GPC5: variants seen among roughly 807,000 people sequenced by gnomAD.
GPC5 encodes glypican-5.
GPC5 carries 47 observed loss-of-function variants against 53.9 expected under a neutral mutation model. The observed-to-expected ratio is 0.87, with a 90% CI of 0.69 to 1.11. The LOEUF is 1.11. Among genes scored for constraint, GPC5 ranks in the 50% most tolerant of loss-of-function variants. GPC5 has a pLI of 0.00. For missense variants in GPC5, 748 were observed against 713.1 expected (o/e 1.05, Z -0.56); for synonymous variants, 286 against 263.3 (o/e 1.09, Z -0.84).
At chr13:92,513,865 A>T (rs1054033353) in intron 7 of GPC5, among the ~76,000 whole-genome samples, 2 of 152,156 alleles carry the variant, frequency 1.3e-5, no homozygotes, top group African/African-American at 4.8e-5. Flanking sequence ...CATTTTGACT[A>T]TGACTCATCA....
Position 91,879,018 on chromosome 13 carries a change from C to T in GPC5, c.1281-28919C>T, listed in dbSNP as rs566431378. Among the ~76,000 whole-genome samples, 14 of 152,218 alleles carry T rather than the reference C, an allele frequency of 9.2e-5. 2 individuals carry two copies. The South Asian group carries it at 2.9e-3, about 32-fold the overall frequency. ...AAGATTTGTCTCTCTCTAATTCTTG[C>T]AACTATGCACATACCCCCCTAATGT... is the stretch of plus-strand genomic sequence containing the variant. On this transcript the variant is annotated intron_variant, in intron 5 of 7. Transcript: ENST00000377067.
intron 7 of GPC5, among the ~76,000 whole-genome samples, chr13:92,181,521 C>A (rs993216903): frequency 3.3e-5 from 5 of 152,128 alleles, no homozygotes; most frequent in African/African-American, 1.2e-4. Context: ...TCAGATAGTA[C>A]AATTTTGCTG....
intron 2 of GPC5, among the ~76,000 whole-genome samples, chr13:91,539,108 A>G (rs1886731339): frequency 6.6e-6 from 1 of 152,206 alleles, no homozygotes. Context: ...ATAACTAAAC[A>G]GAATTTTCAC....
At position 92,123,407 on chromosome 13, in the gene GPC5, A is replaced by T. The variant is rs145901940; in HGVS notation, c.1402-21423A>T. On this transcript the variant is annotated intron_variant, in intron 6 of 7. Coordinates refer to ENST00000377067, the MANE Select transcript of GPC5 (RefSeq NM_004466.6). ...CTATATCAACTTACTAGAATTTTGG[A>T]GACTGACTTTAAAATATGATAATAA... Among the ~76,000 whole-genome samples the T allele has an allele frequency of 2.6e-3, 390 of 152,328 alleles. 5 individuals are homozygous for T. Among genetic ancestry groups the T allele is most frequent in the African/African-American group, 5.7e-3 (235 of 41,570 alleles).
chr13:91,962,715 G>A (rs2040137422), intron 6 of GPC5, among the ~76,000 whole-genome samples: 1 of 152,042 alleles, frequency 6.6e-6, no homozygotes, highest in South Asian at 2.1e-4. Flanking sequence ...GAAAAAAAAT[G>A]AGGTGGAGTT....
At chr13:91,594,202 G>GT (rs1405549243) in intron 2 of GPC5, among the ~76,000 whole-genome samples, 5 of 152,126 alleles carry the variant, frequency 3.3e-5, no homozygotes, top group South Asian at 4.1e-4. Flanking sequence ...AAAAAGTACA[G>GT]TTTTTTTAAA....
At chr13:92,804,857 G>T (rs560965715) in intron 7 of GPC5, among the ~76,000 whole-genome samples, 10 of 152,082 alleles carry the variant, frequency 6.6e-5, no homozygotes, top group South Asian at 6.2e-4. Context: ...TACATATTTT[G>T]TTACCATTTC....
At chr13:92,035,275 C>T (rs544761648) in intron 6 of GPC5, among the ~76,000 whole-genome samples, 17 of 151,638 alleles carry the variant, frequency 1.1e-4, no homozygotes, top group Non-Finnish European at 2.2e-4. Flanking sequence ...CAAGATGACA[C>T]GGGGCACGGG....
chr13:92,844,645 T>A (rs915986075), intron 7 of GPC5, among the ~76,000 whole-genome samples: 4 of 152,092 alleles, frequency 2.6e-5, no homozygotes, highest in Admixed American at 2.0e-4. Flanking sequence ...GCAGTTCACA[T>A]CATGAAGTAA....
chr13:91,683,763 C>T (rs1260538895), intron 2 of GPC5, among the ~76,000 whole-genome samples: 4 of 152,208 alleles, frequency 2.6e-5, no homozygotes, highest in Admixed American at 2.6e-4. Flanking sequence ...ATCCTGCCTG[C>T]TCAGTCATCA....
chr13:91,791,638 A>G (rs1209941527), intron 5 of GPC5, among the ~76,000 whole-genome samples: 2 of 151,542 alleles, frequency 1.3e-5, no homozygotes, highest in African/African-American at 2.4e-5. Context: ...AATTACATCA[A>G]CAATTACATG....
chr13:92,068,665 T>TA lies in GPC5; in HGVS notation c.1402-76159dup, dbSNP rs577101983. On this transcript the variant is annotated intron_variant, in intron 6 of 7. Transcript: ENST00000377067. Reference sequence around the variant, plus strand: ...TCCATTCTATTCCTAGTTTGCATATTAAAAAATATTTTCTGTATCCATTGA... The same window carrying TA: ...TCCATTCTATTCCTAGTTTGCATATTAAAAAAATATTTTCTGTATCCATTGA... Among the ~76,000 whole-genome samples the TA allele has an allele frequency of 2.0e-3, 307 of 151,686 alleles. 2 individuals carry two copies. Among genetic ancestry groups the TA allele is most frequent in the African/African-American group, 7.0e-3 (290 of 41,518 alleles).
intron 2 of GPC5, among the ~76,000 whole-genome samples, chr13:91,529,784 C>T (rs1487086468): frequency 6.6e-6 from 1 of 152,084 alleles, no homozygotes; most frequent in Non-Finnish European, 1.5e-5. Flanking sequence ...GGATTTTCCC[C>T]TGGGAGCATT....
intron 7 of GPC5, among the ~76,000 whole-genome samples, chr13:92,815,353 A>C (rs1326605543): frequency 1.3e-5 from 2 of 152,000 alleles, no homozygotes; most frequent in African/African-American, 4.8e-5. Flanking sequence ...AATAAGACAT[A>C]GAGGAGAGCC....
chr13:92,051,080 C>T (rs1320274404), intron 6 of GPC5, among the ~76,000 whole-genome samples: 1 of 152,116 alleles, frequency 6.6e-6, no homozygotes, highest in Non-Finnish European at 1.5e-5. Context: ...TAATAATTGC[C>T]TATGTAGTGC....
intron 7 of GPC5, among the ~76,000 whole-genome samples, chr13:92,183,750 C>A (rs2042163951): frequency 6.6e-6 from 1 of 151,808 alleles, no homozygotes; most frequent in Admixed American, 6.6e-5. Context: ...GTTTTTAAAT[C>A]AAGTTTTATG....
At position 92,233,810 on chromosome 13, in the gene GPC5, C is replaced by A. The variant is rs957230831; in HGVS notation, c.1561+88821C>A. On this transcript the variant is annotated intron_variant, in intron 7 of 7. Transcript: ENST00000377067. ...TCTCCAAATGCTATCCCTCCCCACTCCCCCCACCCCACAACAGTCCCCGGT... is the reference window on the plus strand; with the variant it reads ...TCTCCAAATGCTATCCCTCCCCACTACCCCCACCCCACAACAGTCCCCGGT... 5.9e-5 allele frequency among the ~76,000 whole-genome samples: 9 copies of A among 151,826 alleles called. No homozygotes were observed. The South Asian group carries it at 1.7e-3, about 28-fold the overall frequency.
At chr13:91,750,858 C>A (rs1342653026) in intron 4 of GPC5, among the ~76,000 whole-genome samples, 1 of 151,858 alleles carries the variant, frequency 6.6e-6, no homozygotes, top group Non-Finnish European at 1.5e-5. Context: ...GACGGGGTTT[C>A]TCCATGTTGG....
chr13:92,397,172 C>T (rs539430714), intron 7 of GPC5, among the ~76,000 whole-genome samples: 1 of 152,242 alleles, frequency 6.6e-6, no homozygotes, highest in South Asian at 2.1e-4. Context: ...TGATGTGGTT[C>T]GTTTGAGTCC....
Sources: allele counts gnomAD v4.1 joint callset (sites outside exome capture counted in the v4.1 genomes callset), GRCh38; gene constraint gnomAD v4.1.1; transcripts MANE v1.5; gene names NCBI Gene and HGNC (gene_info 2026-07-23, HGNC 2026-07-21).